ZNRF2: variants seen among roughly 807,000 people sequenced by gnomAD.
ZNRF2 encodes E3 ubiquitin-protein ligase ZNRF2.
A neutral mutation model predicts 20.4 loss-of-function variants in ZNRF2; 16 were observed. That is an observed-to-expected ratio of 0.79 (90% CI 0.53 to 1.19). ZNRF2 has a LOEUF of 1.19. Ranked by LOEUF, ZNRF2 falls within the 50% of genes most tolerant of loss-of-function variation. The pLI, the probability that ZNRF2 is intolerant of heterozygous loss-of-function variation, is 0.00. For missense variants in ZNRF2, 363 were observed against 332.4 expected (o/e 1.09, Z -0.72); for synonymous variants, 178 against 144.9 (o/e 1.23, Z -1.64).
At chr7:30,305,866 C>A (rs1228598649) in intron 1 of ZNRF2, among the ~76,000 whole-genome samples, 1 of 152,128 alleles carries the variant, frequency 6.6e-6, no homozygotes, top group Non-Finnish European at 1.5e-5. Flanking sequence ...TTATTACATT[C>A]ATCTGTCATA....
At chr7:30,301,350 G>A (rs1799110706) in intron 1 of ZNRF2, among the ~76,000 whole-genome samples, 1 of 152,078 alleles carries the variant, frequency 6.6e-6, no homozygotes, top group South Asian at 2.1e-4. Flanking sequence ...GGGTGTGGTG[G>A]CACACACCTG....
chr7:30,366,959 A>C lies in ZNRF2; in HGVS notation c.*947A>C, dbSNP rs897412718. The C allele has an allele frequency of 6.6e-6, 1 of 152,528 alleles. No homozygotes were observed. The highest frequency in any genetic ancestry group is 2.4e-5 in the African/African-American group (1 of 41,438). The allele number at this position is 152,528 out of a possible 1,614,324, so 9.4% of individuals were successfully genotyped here. ...CTTTGCATCTCCAGGCAGTTCTCTCACATTTGGGTAAAATGTTTAGCAGGC... is the reference window on the plus strand; with the variant it reads ...CTTTGCATCTCCAGGCAGTTCTCTCCCATTTGGGTAAAATGTTTAGCAGGC... On this transcript the variant is annotated 3_prime_UTR_variant, in exon 5 of 5. Transcript: ENST00000323037.
intron 2 of ZNRF2, among the ~76,000 whole-genome samples, chr7:30,334,107 T>C (rs963691999): frequency 6.6e-6 from 1 of 152,180 alleles, no homozygotes; most frequent in Non-Finnish European, 1.5e-5. Flanking sequence ...GTTTTTTTCC[T>C]AGGATTTTTA....
At chr7:30,352,402 C>T (rs1583595391) in intron 2 of ZNRF2, among the ~76,000 whole-genome samples, 1 of 152,118 alleles carries the variant, frequency 6.6e-6, no homozygotes, top group East Asian at 1.9e-4. Context: ...GGTTAAAAAT[C>T]GTAATCATTG....
Position 30,285,175 on chromosome 7 carries a change from G to GC in ZNRF2, c.-179dup, listed in dbSNP as rs755561520. ...CGTCAGGCCGTCGGCCTCGCCCGCC[G>GC]CCCCAAGAAGAGCGCGCCGGGCGCC... On this transcript the variant is annotated 5_prime_UTR_variant, in exon 1 of 5. Coordinates refer to ENST00000323037, the MANE Select transcript of ZNRF2 (RefSeq NM_147128.4). The GC allele has an allele frequency of 2.3e-6, 1 of 429,102 alleles. No individual in the cohort carries two copies. Among genetic ancestry groups the GC allele is most frequent in the South Asian group, 1.8e-5 (1 of 55,628 alleles). The allele number at this position is 429,102 out of a possible 1,614,324, so 26.6% of individuals were successfully genotyped here.
At chr7:30,358,330 A>G (rs1010679799) in intron 3 of ZNRF2, among the ~76,000 whole-genome samples, 3 of 152,232 alleles carry the variant, frequency 2.0e-5, no homozygotes, top group Admixed American at 6.5e-5. Flanking sequence ...TAAAAGGACT[A>G]TAAGGCTTAT....
intron 1 of ZNRF2, among the ~76,000 whole-genome samples, chr7:30,318,775 G>GA (rs1252467490): frequency 6.6e-6 from 1 of 152,238 alleles, no homozygotes; most frequent in Non-Finnish European, 1.5e-5. Flanking sequence ...AGTAGTTACA[G>GA]AAAGTTTTTC....
intron 1 of ZNRF2, among the ~76,000 whole-genome samples, chr7:30,313,990 G>C (rs1339165577): frequency 1.3e-5 from 2 of 152,138 alleles, no homozygotes; most frequent in Non-Finnish European, 2.9e-5. Flanking sequence ...TTGCCACATG[G>C]ATTTTATTTA....
At chr7:30,310,074 T>A (rs534580393) in intron 1 of ZNRF2, among the ~76,000 whole-genome samples, 13 of 152,182 alleles carry the variant, frequency 8.5e-5, no homozygotes, top group African/African-American at 2.9e-4. Context: ...CAGGAAAAAA[T>A]AACAGTAGCT....
chr7:30,308,064 T>C (rs1387708438), intron 1 of ZNRF2, among the ~76,000 whole-genome samples: 5 of 152,156 alleles, frequency 3.3e-5, no homozygotes, highest in Non-Finnish European at 7.4e-5. Context: ...TTTTTCCTCT[T>C]AGAATAATCA....
intron 1 of ZNRF2, among the ~76,000 whole-genome samples, chr7:30,307,326 G>GTGT (rs1799223320): frequency 2.3e-5 from 1 of 43,234 alleles, no homozygotes; most frequent in African/African-American, 7.2e-5. Flanking sequence ...GTTTTTTTTT[G>GTGT]TTTTTTTTTT....
At chr7:30,327,904 A>G (rs1390394606) in intron 2 of ZNRF2, among the ~76,000 whole-genome samples, 1 of 152,140 alleles carries the variant, frequency 6.6e-6, no homozygotes, top group East Asian at 1.9e-4. Flanking sequence ...AATTCAAAGT[A>G]TGTATTAATT....
At position 30,330,225 on chromosome 7, in the gene ZNRF2, A is replaced by G. The variant is rs553530614; in HGVS notation, c.565+6488A>G. The stretch of plus-strand genomic sequence containing the variant: ...TTGTGCATGTGTACTTAGAAGAGGT[A>G]CAACTTGAAATAAAGTTGTCTTCTG... On this transcript the variant is annotated intron_variant, in intron 2 of 4. Transcript: ENST00000323037. Among the ~76,000 whole-genome samples, 4 of 152,336 alleles carry G rather than the reference A, an allele frequency of 2.6e-5. No individual in the cohort carries two copies. The South Asian group carries it at 8.3e-4, about 32-fold the overall frequency.
At chr7:30,352,094 A>C (rs1583595264) in intron 2 of ZNRF2, among the ~76,000 whole-genome samples, 1 of 152,018 alleles carries the variant, frequency 6.6e-6, no homozygotes, top group East Asian at 1.9e-4. Flanking sequence ...ATAACTTATA[A>C]AGTTTTTTCA....
At chr7:30,349,683 A>G (rs956710900) in intron 2 of ZNRF2, among the ~76,000 whole-genome samples, 7 of 152,152 alleles carry the variant, frequency 4.6e-5, no homozygotes, top group Admixed American at 2.0e-4. Context: ...GTCTAATTTT[A>G]AAAGTATACA....
rs74446413 is a variant in ZNRF2, at chr7:30,308,240, G to A, written c.470-15402G>A. Among the ~76,000 whole-genome samples the A allele has an allele frequency of 3.6e-3, 555 of 152,190 alleles. 1 individual carries two copies. Among genetic ancestry groups the A allele is most frequent in the Non-Finnish European group, 5.1e-3 (350 of 68,002 alleles). On this transcript the variant is annotated intron_variant, in intron 1 of 4. Coordinates refer to ENST00000323037, the MANE Select transcript of ZNRF2 (RefSeq NM_147128.4). ...GTAAGATTCATTTATACTGTGTGTA[G>A]TTCATCATTCTGTAGTTTAAAGTTT...
intron 3 of ZNRF2, among the ~76,000 whole-genome samples, chr7:30,361,326 C>G (rs575476487): frequency 3.0e-4 from 46 of 152,304 alleles, no homozygotes; most frequent in African/African-American, 1.1e-3. Flanking sequence ...TTGAAAGAAC[C>G]TGTTGATGTG....
In ZNRF2 at chr7:30,285,701, A is replaced by T; in HGVS notation, c.344A>T (p.Asp115Val). The T allele has an allele frequency of 6.9e-7, 1 of 1,459,556 alleles. No homozygotes were observed. The highest frequency in any genetic ancestry group is 9.0e-7 in the Non-Finnish European group (1 of 1,113,042). The allele number at this position is 1,459,556 out of a possible 1,614,324, so 90.4% of individuals were successfully genotyped here. Reference protein sequence around the residue: ...NSSSGPYGSQDSVHSSPEDGG... With the variant: ...NSSSGPYGSQVSVHSSPEDGG... ...AGCAGCGGCCCGTACGGCTCGCAGG[A>T]CTCGGTGCACAGCAGCCCTGAGGAC... The change falls in exon 1 of 5, where the codon GAC (aspartate) becomes GTC (valine). Residue 115 changes from aspartate (D) to valine (V), a missense_variant. Coordinates refer to ENST00000323037, the MANE Select transcript of ZNRF2 (RefSeq NM_147128.4).
chr7:30,309,351 A>T (rs1799255729), intron 1 of ZNRF2, among the ~76,000 whole-genome samples: 1 of 152,198 alleles, frequency 6.6e-6, no homozygotes, highest in Non-Finnish European at 1.5e-5. Flanking sequence ...TAGGATAAGA[A>T]TGTGTTTAGA....
Sources: gnomAD v4.1 joint callset for allele counts (sites outside exome capture counted in the v4.1 genomes callset) on GRCh38, gnomAD v4.1.1 for gene constraint, MANE v1.5 for transcripts, NCBI Gene and HGNC (gene_info 2026-07-23, HGNC 2026-07-21) for gene names.